The following TUSC3 variants were observed in gnomAD, a reference collection of about 807,000 sequenced individuals.
TUSC3 encodes dolichyl-diphosphooligosaccharide--protein glycosyltransferase subunit TUSC3.
Under a neutral mutation model 44.8 loss-of-function variants are expected in TUSC3, and 45 were observed. That is an observed-to-expected ratio of 1.00 (90% confidence interval 0.79 to 1.29). The LOEUF (loss-of-function observed/expected upper bound fraction) is 1.29. Among genes scored for constraint, TUSC3 ranks in the 50% most tolerant of loss-of-function variants. The pLI, the probability that TUSC3 is intolerant of heterozygous loss-of-function variation, is 0.00. For missense variants in TUSC3, 519 were observed against 437.9 expected (o/e 1.19, Z -1.65); for synonymous variants, 212 against 152.9 (o/e 1.39, Z -2.85).
In TUSC3 at chr8:15,754,663, C is replaced by T. The variant is rs930768959; in HGVS notation, c.1029-3128C>T. Among the ~76,000 whole-genome samples, 3 of 152,238 alleles carry T rather than the reference C, an allele frequency of 2.0e-5. No individual in the cohort carries two copies. In the East Asian group the frequency reaches 5.8e-4, roughly 29 times the overall value. ...AAGTACTTGCTTGGGTGTTATGCCT[C>T]CGCCTTTTAGCCCTCAGTGTCTTCG... On this transcript the variant is annotated intron_variant, in intron 9 of 10. Coordinates refer to ENST00000503731, the MANE Select transcript of TUSC3 (RefSeq NM_006765.4).
Position 15,623,149 on chromosome 8 carries a change from G to A in TUSC3, c.208G>A (p.Gly70Ser), listed in dbSNP as rs1805327386. The change falls in exon 2 of 11, where the codon GGT (glycine) becomes AGT (serine). Residue 70 changes from glycine (G) to serine (S), a missense_variant. Coordinates refer to ENST00000503731, the MANE Select transcript of TUSC3 (RefSeq NM_006765.4). ...CAGACGCTCAATCTTCCGAATGAAT[G>A]GTGATAAATTCCGAAAATTTATAAA... ...SSRRSIFRMN[G>S]DKFRKFIKAP... 1 of 1,613,744 alleles carries A rather than the reference G, an allele frequency of 6.2e-7. No homozygotes were observed. Among genetic ancestry groups the A allele is most frequent in the Non-Finnish European group, 8.5e-7 (1 of 1,179,860 alleles).
At chr8:15,601,587 A>G (rs1804289307) in intron 1 of TUSC3, among the ~76,000 whole-genome samples, 1 of 151,734 alleles carries the variant, frequency 6.6e-6, no homozygotes, top group South Asian at 2.1e-4. Context: ...TACTTCCATA[A>G]TTATTTATAT....
At chr8:15,820,851 C>A in the TUSC3 span, among the ~76,000 whole-genome samples, 7 of 152,038 alleles carry the variant, frequency 4.6e-5, no homozygotes, top group African/African-American at 1.7e-4. Context: ...AATATGTATG[C>A]CTCTTTAAAA....
At chr8:15,841,003 C>G in the TUSC3 span, among the ~76,000 whole-genome samples, 5 of 152,222 alleles carry the variant, frequency 3.3e-5, no homozygotes, top group Admixed American at 2.6e-4. Context: ...GTTTCAAAAT[C>G]CGTTATTAAT....
At position 15,751,260 on chromosome 8, in the gene TUSC3, C is replaced by A. The variant is rs561689483; in HGVS notation, c.1028+2795C>A. On this transcript the variant is annotated intron_variant, in intron 9 of 10. Coordinates refer to ENST00000503731, the MANE Select transcript of TUSC3 (RefSeq NM_006765.4). Reference sequence around the variant, plus strand: ...AGCAAGGAAGACAATTAAAAAAAAACCTAATTGCCACATAGCTAGGTGTCT... The same window carrying A: ...AGCAAGGAAGACAATTAAAAAAAAAACTAATTGCCACATAGCTAGGTGTCT... 2.0e-5 allele frequency among the ~76,000 whole-genome samples: 3 copies of A among 152,070 alleles called. No homozygotes were observed. The South Asian group carries it at 6.2e-4, about 32-fold the overall frequency.
chr8:15,827,143 A>G, the TUSC3 span, among the ~76,000 whole-genome samples: 3 of 152,176 alleles, frequency 2.0e-5, no homozygotes, highest in Admixed American at 1.3e-4. Flanking sequence ...TTTAGAGACT[A>G]TAAGTACATC....
At chr8:15,735,183 C>G (rs1810878957) in intron 7 of TUSC3, among the ~76,000 whole-genome samples, 1 of 152,038 alleles carries the variant, frequency 6.6e-6, no homozygotes, top group African/African-American at 2.4e-5. Flanking sequence ...GCAAAGGAAG[C>G]AGGAGTCGCT....
At chr8:15,529,129 T>C (rs999663313) in intron 2 of TUSC3, among the ~76,000 whole-genome samples, 1 of 152,216 alleles carries the variant, frequency 6.6e-6, no homozygotes, top group African/African-American at 2.4e-5. Flanking sequence ...TATGCTGTTT[T>C]TTTCTTTAAA....
chr8:15,476,286 G>C (rs1249701990), intron 1 of TUSC3, among the ~76,000 whole-genome samples: 2 of 152,212 alleles, frequency 1.3e-5, no homozygotes, highest in East Asian at 3.9e-4. Context: ...TAATCACCCA[G>C]TATGTATGTC....
downstream of TUSC3, among the ~76,000 whole-genome samples, chr8:15,770,052 C>G (rs1206191962): frequency 1.3e-5 from 2 of 152,168 alleles, no homozygotes; most frequent in Non-Finnish European, 2.9e-5. Context: ...ACCCAGCAAT[C>G]CCATTACTGG....
chr8:15,466,497 C>T (rs987090067), intron 1 of TUSC3, among the ~76,000 whole-genome samples: 1 of 152,038 alleles, frequency 6.6e-6, no homozygotes, highest in Non-Finnish European at 1.5e-5. Flanking sequence ...AGAAATAGTT[C>T]TTAGCTTATT....
Position 15,559,521 on chromosome 8 carries a change from G to A in TUSC3, c.138+18953G>A, listed in dbSNP as rs1410994631. Among the ~76,000 whole-genome samples, 8 of 141,784 alleles carry A rather than the reference G, an allele frequency of 5.6e-5. 1 individual carries two copies. Among genetic ancestry groups the A allele is most frequent in the South Asian group, 4.9e-4 (2 of 4,110 alleles). 93.0% of individuals were successfully genotyped at this position (141,784 alleles called of 152,430 possible). A position where few individuals can be genotyped will look rare whatever the true frequency, so the allele number is the denominator to read the frequency against. Reference sequence around the variant, plus strand: ...AGTTCTGTAGATGTCTGTTAGGTCCGCTTGGTGCAGAGCTGAGTTCTATTC... The same window carrying A: ...AGTTCTGTAGATGTCTGTTAGGTCCACTTGGTGCAGAGCTGAGTTCTATTC... On this transcript the variant is annotated intron_variant, in intron 1 of 10. Transcript: ENST00000503731.
intron 1 of TUSC3, among the ~76,000 whole-genome samples, chr8:15,421,596 C>G (rs1200498470): frequency 6.6e-6 from 1 of 152,122 alleles, no homozygotes; most frequent in Non-Finnish European, 1.5e-5. Flanking sequence ...GTTATTGTCT[C>G]TATTTCCCAG....
intron 2 of TUSC3, among the ~76,000 whole-genome samples, chr8:15,625,453 A>G (rs1165714751): frequency 1.3e-5 from 2 of 152,222 alleles, no homozygotes; most frequent in African/African-American, 2.4e-5. Context: ...ATTTTCCAGT[A>G]AAATCATCTG....
At chr8:15,762,547 A>G (rs1363164513) in intron 10 of TUSC3, among the ~76,000 whole-genome samples, 2 of 152,132 alleles carry the variant, frequency 1.3e-5, no homozygotes, top group East Asian at 1.9e-4. Flanking sequence ...TTGCTTTTAC[A>G]GGGGTAATAT....
intron 1 of TUSC3, among the ~76,000 whole-genome samples, chr8:15,426,884 C>A (rs1799810100): frequency 6.6e-6 from 1 of 152,186 alleles, no homozygotes; most frequent in Non-Finnish European, 1.5e-5. Flanking sequence ...TTTCTACATC[C>A]TTTCAAATAC....
At chr8:15,526,786 G>C (rs1431277433) in intron 2 of TUSC3, among the ~76,000 whole-genome samples, 1 of 152,134 alleles carries the variant, frequency 6.6e-6, no homozygotes, top group African/African-American at 2.4e-5. Flanking sequence ...AAAATGATAA[G>C]GACCGGTACT....
At chr8:15,771,951 T>C in the TUSC3 span, among the ~76,000 whole-genome samples, 1 of 151,964 alleles carries the variant, frequency 6.6e-6, no homozygotes, top group African/African-American at 2.4e-5. Flanking sequence ...TAGCCAGGTG[T>C]GGTAGAGGGC....
At chr8:15,806,895 C>G in the TUSC3 span, 1 of 1,287,656 alleles carries the variant, frequency 7.8e-7, no homozygotes, top group South Asian at 1.2e-5. Context: ...AAGTAAGACG[C>G]TTACATCTGT....
Sources: allele counts gnomAD v4.1 joint callset (sites outside exome capture counted in the v4.1 genomes callset), GRCh38; gene constraint gnomAD v4.1.1; transcripts MANE v1.5; gene names NCBI Gene and HGNC (gene_info 2026-07-23, HGNC 2026-07-21).